Variants in VPS13A observed in about 807,000 individuals in gnomAD.
VPS13A encodes intermembrane lipid transfer protein VPS13A.
In VPS13A, 264 loss-of-function variants were observed where a neutral mutation model predicts 390.9. The ratio of observed to expected loss-of-function variants is 0.68; its 90% confidence interval spans 0.61 to 0.75. VPS13A has a LOEUF of 0.75. VPS13A is among the 30% of genes least tolerant of loss of function. The probability of loss-of-function intolerance (pLI) is 0.00; values close to 1 mark genes in which losing one functional copy is unlikely to be tolerated. For missense variants in VPS13A, 3,409 were observed against 3,733.9 expected, an observed-to-expected ratio of 0.91 and a Z score of 2.27; for synonymous variants, 1,231 against 1,227.1, an observed-to-expected ratio of 1.00 and a Z score of -0.07.
At chr9:77,202,706 G>C (rs1269761156) in intron 3 of VPS13A, among the ~76,000 whole-genome samples, 1 of 152,082 alleles carries the variant, frequency 6.6e-6, no homozygotes, top group African/African-American at 2.4e-5. Flanking sequence ...AGAGTAGATA[G>C]ACTATTTTCT....
Position 77,419,305 on chromosome 9 carries a change from A to G in VPS13A, c.*3299A>G, listed in dbSNP as rs967725477. 3.3e-5 allele frequency: 5 copies of G among 152,236 alleles called. No individual in the cohort carries two copies. Among genetic ancestry groups the G allele is most frequent in the African/African-American group, 9.6e-5 (4 of 41,464 alleles). The allele number at this position is 152,236 out of a possible 1,614,324, so 9.4% of individuals were successfully genotyped here. A position where few individuals can be genotyped will look rare whatever the true frequency, so the allele number is the denominator to read the frequency against. ...ATAAAAAATAGAGGAACAATAGAGC[A>G]TATAAAATGGTTAAGTATTGGTTCC... On this transcript the variant is annotated 3_prime_UTR_variant, in exon 72 of 72. Transcript: ENST00000360280.
chr9:77,288,064 T>TA (rs976650469), intron 31 of VPS13A, among the ~76,000 whole-genome samples: 4 of 152,210 alleles, frequency 2.6e-5, no homozygotes, highest in Non-Finnish European at 4.4e-5. Context: ...CACCTTAGAA[T>TA]CACTGCACTG....
chr9:77,351,867 C>CA (rs767870027), intron 53 of VPS13A, among the ~76,000 whole-genome samples: 28 of 151,532 alleles, frequency 1.8e-4, no homozygotes, highest in African/African-American at 4.1e-4. Flanking sequence ...GACTCCGTCT[C>CA]AAAAAAAACA....
rs1416867077 is a variant in VPS13A, at chr9:77,418,418, CAGAA to C, written c.*2416_*2419del. The C allele has an allele frequency of 1.3e-5, 2 of 152,202 alleles. No individual in the cohort carries two copies. The highest frequency in any genetic ancestry group is 3.8e-4 in the East Asian group (2 of 5,202). 9.4% of individuals were successfully genotyped at this position (152,202 alleles called of 1,614,324 possible). A position where few individuals can be genotyped will look rare whatever the true frequency, so the allele number is the denominator to read the frequency against. ...CAACTCTCCACCAGAAAATCATAAT[CAGAA>C]AGAGTGACTTTGATTTCTGGTACTT... On this transcript the variant is annotated 3_prime_UTR_variant, in exon 72 of 72. Transcript: ENST00000360280.
chr9:77,180,587 C>A (rs187490421), intron 1 of VPS13A, among the ~76,000 whole-genome samples: 19 of 152,194 alleles, frequency 1.2e-4, no homozygotes, highest in Middle Eastern at 3.4e-3. Flanking sequence ...TTTTGGATTT[C>A]TTTTTGTATA....
chr9:77,339,494 G>GTTTTTTTTTTT, intron 47 of VPS13A, 22 bp from the exon 48 acceptor site: 2 of 1,343,316 alleles, frequency 1.5e-6, no homozygotes, highest in Non-Finnish European at 2.0e-6. Context: ...ATTTTGTTTT[G>GTTTTTTTTTTT]TTTTTTTTTT....
intron 67 of VPS13A, among the ~76,000 whole-genome samples, chr9:77,375,998 A>T (rs972998082): frequency 6.6e-6 from 1 of 152,218 alleles, no homozygotes; most frequent in Non-Finnish European, 1.5e-5. Context: ...GGAGGTAAGG[A>T]GATGCAAAAT....
chr9:77,217,906 A>C (rs2131169035), intron 10 of VPS13A, among the ~76,000 whole-genome samples: 1 of 151,888 alleles, frequency 6.6e-6, no homozygotes, highest in East Asian at 1.9e-4. Flanking sequence ...TTTTCCACAG[A>C]GGTTGTACTG....
chr9:77,317,702 A>C lies in VPS13A; in HGVS notation c.4956+4A>C. 1 of 1,577,042 alleles carries C rather than the reference A, an allele frequency of 6.3e-7. No individual in the cohort carries two copies. Among genetic ancestry groups the C allele is most frequent in the Non-Finnish European group, 8.6e-7 (1 of 1,157,240 alleles). ...AGTAAAATCCCTGACACTAAAGGTA[A>C]ATTAAAATATAATCATTTGAATATT... On this transcript the variant is annotated splice_donor_region_variant and intron_variant, in intron 40 of 71. Coordinates refer to ENST00000360280, the MANE Select transcript of VPS13A (RefSeq NM_033305.3).
intron 33 of VPS13A, among the ~76,000 whole-genome samples, chr9:77,296,199 A>G (rs1226860390): frequency 6.6e-6 from 1 of 152,212 alleles, no homozygotes. Flanking sequence ...ATACATTATC[A>G]TCTTATCTTC....
At chr9:77,238,812 C>G (rs1212903244) in intron 19 of VPS13A, among the ~76,000 whole-genome samples, 1 of 152,144 alleles carries the variant, frequency 6.6e-6, no homozygotes, top group Non-Finnish European at 1.5e-5. Context: ...AATGGTAAAA[C>G]CACTTGGTTT....
At chr9:77,334,406 T>G (rs1830435521) in intron 46 of VPS13A, among the ~76,000 whole-genome samples, 1 of 152,190 alleles carries the variant, frequency 6.6e-6, no homozygotes. Context: ...CTCCTGTCAT[T>G]GATTATCTTT....
intron 19 of VPS13A, among the ~76,000 whole-genome samples, chr9:77,242,004 C>A (rs1463855400): frequency 6.6e-6 from 1 of 152,096 alleles, no homozygotes; most frequent in African/African-American, 2.4e-5. Context: ...GACTCTCCAT[C>A]TTTGTCTTCT....
chr9:77,414,815 C>T (rs1018998835), intron 71 of VPS13A, among the ~76,000 whole-genome samples: 36 of 151,788 alleles, frequency 2.4e-4, no homozygotes, highest in Non-Finnish European at 4.4e-5. Context: ...ATCCCTGGGC[C>T]TCCTGGCCAG....
intron 23 of VPS13A, among the ~76,000 whole-genome samples, chr9:77,261,759 A>G (rs947385384): frequency 2.6e-5 from 4 of 151,810 alleles, no homozygotes; most frequent in African/African-American, 9.7e-5. Context: ...TGATTTTTGT[A>G]TTTTTAGCCG....
At chr9:77,280,093 G>C (rs1402637125) in intron 26 of VPS13A, 66 bp from the exon 27 acceptor site, 4 of 1,240,816 alleles carry the variant, frequency 3.2e-6, no homozygotes, top group Non-Finnish European at 4.6e-6. Flanking sequence ...TAATTAATAA[G>C]ATTGCTTGCA....
chr9:77,373,423 A>G (rs10156584), intron 67 of VPS13A, among the ~76,000 whole-genome samples: 16,268 of 89,422 alleles, frequency 0.18, 1,768 homozygotes, highest in Middle Eastern at 0.29. Flanking sequence ...TGGGAAAACT[A>G]GCTAGCCATA....
chr9:77,353,729 T>G, intron 54 of VPS13A, 88 bp downstream of exon 54: 1 of 1,296,862 alleles, frequency 7.7e-7, no homozygotes, highest in Non-Finnish European at 1.1e-6. Context: ...ATGATTTAGT[T>G]TCAGTTTTGT....
At chr9:77,271,893 A>T (rs917918662) in intron 23 of VPS13A, among the ~76,000 whole-genome samples, 2 of 152,174 alleles carry the variant, frequency 1.3e-5, no homozygotes, top group Admixed American at 1.3e-4. Flanking sequence ...TTTTGGGAGG[A>T]TGCCTAATGA....
Sources: gnomAD v4.1 joint callset for allele counts (sites outside exome capture counted in the v4.1 genomes callset) on GRCh38, gnomAD v4.1.1 for gene constraint, MANE v1.5 for transcripts, NCBI Gene and HGNC (gene_info 2026-07-23, HGNC 2026-07-21) for gene names.